DDX50: variants seen among roughly 807,000 people sequenced by gnomAD.
The protein encoded by DDX50 is DExD-box helicase 50.
A neutral mutation model predicts 94.8 loss-of-function variants in DDX50; 56 were observed. That is an observed-to-expected ratio of 0.59 (90% CI 0.48 to 0.74). The LOEUF is 0.74. Ranked by LOEUF, DDX50 falls within the 30% of genes least tolerant of loss-of-function variation. The pLI is 0.00. For synonymous variants in DDX50, 264 were observed against 295.4 expected (o/e 0.89, Z 1.09); for missense variants, 713 against 881.2 (o/e 0.81, Z 2.42).
rs1208748555 is a variant in DDX50 at position 68,937,576 on chromosome 10, C to G, written c.1755+481C>G. ...CAATATCTTCCTTCTTGCTTTATAA[C>G]TTTATAAGTTTTTTTTTTTTTTTTT... On this transcript the variant is annotated intron_variant, in intron 12 of 14. Transcript: ENST00000373585. 2.9e-5 allele frequency among the ~76,000 whole-genome samples: 4 copies of G among 139,622 alleles called. No individual in the cohort carries two copies. The East Asian group carries it at 9.0e-4, about 31-fold the overall frequency. The allele number at this position is 139,622 out of a possible 152,430, so 91.6% of individuals were successfully genotyped here. A position where few individuals can be genotyped will look rare whatever the true frequency, so the allele number is the denominator to read the frequency against.
At chr10:68,919,363 C>A (rs7903221) in intron 7 of DDX50, among the ~76,000 whole-genome samples, 5,825 of 152,174 alleles carry the variant, frequency 0.038, 379 homozygotes, top group African/African-American at 0.13. Context: ...GTAACCCAAA[C>A]CTTTATCATC....
At position 68,901,327 on chromosome 10, in the gene DDX50, T is replaced by C; in HGVS notation, c.-58T>C. On this transcript the variant is annotated 5_prime_UTR_variant, in exon 1 of 15. Transcript: ENST00000373585. ...CTTGCCCCCGCTTCCTTTCACGCTG[T>C]CGCTGCCCGTAGGTGGTTGTGGCCA... is the stretch of plus-strand genomic sequence containing the variant. 1 of 1,459,558 alleles carries C rather than the reference T, an allele frequency of 6.9e-7. No individual in the cohort carries two copies. Among genetic ancestry groups the C allele is most frequent in the Admixed American group, 2.5e-5 (1 of 40,784 alleles). 90.4% of individuals were successfully genotyped at this position (1,459,558 alleles called of 1,614,324 possible). A position where few individuals can be genotyped will look rare whatever the true frequency, so the allele number is the denominator to read the frequency against.
intron 8 of DDX50, among the ~76,000 whole-genome samples, chr10:68,932,646 A>T (rs762426884): frequency 3.9e-5 from 6 of 152,202 alleles, no homozygotes; most frequent in Non-Finnish European, 8.8e-5. Flanking sequence ...TTTGCAGCAG[A>T]GATGAAGATC....
intron 7 of DDX50, among the ~76,000 whole-genome samples, chr10:68,915,280 G>A (rs1332545060): frequency 6.6e-6 from 1 of 151,546 alleles, no homozygotes. Flanking sequence ...GGTCATGGTG[G>A]CGGGCGCCTG....
At chr10:68,919,305 T>A (rs1430675053) in intron 7 of DDX50, among the ~76,000 whole-genome samples, 1 of 152,238 alleles carries the variant, frequency 6.6e-6, no homozygotes, top group African/African-American at 2.4e-5. Flanking sequence ...TACAATGAAA[T>A]GTAAAATCTT....
chr10:68,911,049 A>T lies in DDX50; in HGVS notation c.461-19A>T, dbSNP rs1841611509. 2.1e-6 allele frequency: 3 copies of T among 1,455,738 alleles called. No individual in the cohort carries two copies. The highest frequency in any genetic ancestry group is 2.7e-6 in the Non-Finnish European group (3 of 1,096,980). 90.2% of individuals were successfully genotyped at this position (1,455,738 alleles called of 1,614,324 possible). A position where few individuals can be genotyped will look rare whatever the true frequency, so the allele number is the denominator to read the frequency against. Reference sequence around the variant, plus strand: ...ATGCTAGTCGTAAAGAAGTATTTTAATTAAATCTCATTTTACAGGTCGAGG... The same window carrying T: ...ATGCTAGTCGTAAAGAAGTATTTTATTTAAATCTCATTTTACAGGTCGAGG... On this transcript the variant is annotated intron_variant, in intron 3 of 14. Transcript: ENST00000373585.
chr10:68,925,270 ATT>A (rs78283932), intron 8 of DDX50, among the ~76,000 whole-genome samples: 1 of 145,454 alleles, frequency 6.9e-6, no homozygotes. Context: ...TGCCCAACTA[ATT>A]TTTTTTTTTT....
rs1434877282 is a variant in DDX50, at chr10:68,946,770, A to G, written c.*140A>G. 7 of 1,094,448 alleles carry G rather than the reference A, an allele frequency of 6.4e-6. No homozygotes were observed. Among genetic ancestry groups the G allele is most frequent in the Non-Finnish European group, 5.1e-6 (4 of 777,132 alleles). The allele number at this position is 1,094,448 out of a possible 1,614,324, so 67.8% of individuals were successfully genotyped here. ...AGTTGGTCGTATTTTTTTAAAAAGT[A>G]TTTCACAAGAATGGAACAAATCTAC... On this transcript the variant is annotated 3_prime_UTR_variant, in exon 15 of 15. Transcript: ENST00000373585.
At chr10:68,940,237 G>A (rs908747399) in intron 12 of DDX50, among the ~76,000 whole-genome samples, 2 of 151,876 alleles carry the variant, frequency 1.3e-5, no homozygotes, top group Non-Finnish European at 2.9e-5. Flanking sequence ...AAATTAGCAC[G>A]GCATGGTGGC....
chr10:68,931,431 A>ATATGTAT (rs369350949), intron 8 of DDX50, among the ~76,000 whole-genome samples: 1 of 119,180 alleles, frequency 8.4e-6, no homozygotes, highest in Non-Finnish European at 1.7e-5. Flanking sequence ...ATATATACAC[A>ATATGTAT]AACACACACA....
At chr10:68,913,935 G>C (rs929241406) in intron 6 of DDX50, 124 bp from the exon 7 acceptor site, 2 of 941,788 alleles carry the variant, frequency 2.1e-6, no homozygotes, top group African/African-American at 1.7e-5. Context: ...TGAAGTCTGT[G>C]TGTTAAAAAT....
chr10:68,913,308 A>G, intron 5 of DDX50, 29 bp downstream of exon 5: 1 of 1,605,348 alleles, frequency 6.2e-7, no homozygotes, highest in South Asian at 1.1e-5. Flanking sequence ...TAGACGTGCA[A>G]AGGCATATTT....
intron 1 of DDX50, among the ~76,000 whole-genome samples, chr10:68,901,959 C>T (rs1841298532): frequency 6.6e-6 from 1 of 152,122 alleles, no homozygotes; most frequent in South Asian, 2.1e-4. Flanking sequence ...GGAAAAGTGT[C>T]ACTGAGACTT....
In DDX50 at chr10:68,941,145, G is replaced by A. The variant is rs1011187448; in HGVS notation, c.1841G>A (p.Ser614Asn). ...AWKELNRKLS[S>N]NAVSQITRMC... is the part of the protein sequence containing the mutation. ...AAAGAACTTAACAGAAAGCTGAGTAGTAATGCAGTGTCTCAGATTACCAGA... is the reference window on the plus strand; with the variant it reads ...AAAGAACTTAACAGAAAGCTGAGTAATAATGCAGTGTCTCAGATTACCAGA... The change falls in exon 13 of 15, where the codon AGT becomes AAT. Residue 614 changes from serine to asparagine, a missense_variant. This residue lies in a region of DDX50 where 428 missense variants were observed against 602.3 expected (regional missense o/e 0.71). Transcript: ENST00000373585. 1.4e-5 allele frequency: 22 copies of A among 1,613,290 alleles called. No individual in the cohort carries two copies. The highest frequency in any genetic ancestry group is 1.9e-5 in the Non-Finnish European group (22 of 1,179,892).
chr10:68,945,492 A>T (rs539316383), intron 14 of DDX50, among the ~76,000 whole-genome samples: 2 of 152,090 alleles, frequency 1.3e-5, no homozygotes, highest in East Asian at 3.9e-4. Flanking sequence ...TTTCTAGTAG[A>T]GTTGGAGTTT....
chr10:68,919,176 T>A (rs879125533), intron 7 of DDX50, among the ~76,000 whole-genome samples: 1 of 152,214 alleles, frequency 6.6e-6, no homozygotes, highest in African/African-American at 2.4e-5. Flanking sequence ...TCAGAACATA[T>A]CCCTGTCATG....
Position 68,937,584 on chromosome 10 carries a change from GT to G in DDX50, c.1755+508del, listed in dbSNP as rs11429851. ...TCCTTCTTGCTTTATAACTTTATAAGTTTTTTTTTTTTTTTTTTTGAGATTG... is the reference window on the plus strand; with the variant it reads ...TCCTTCTTGCTTTATAACTTTATAAGTTTTTTTTTTTTTTTTTTGAGATTG... On this transcript the variant is annotated intron_variant, in intron 12 of 14. Transcript: ENST00000373585. Among the ~76,000 whole-genome samples, 444 of 120,782 alleles carry G rather than the reference GT, an allele frequency of 3.7e-3. 3 individuals carry two copies. The highest frequency in any genetic ancestry group is 0.012 in the African/African-American group (380 of 31,476). The allele number at this position is 120,782 out of a possible 152,430, so 79.2% of individuals were successfully genotyped here.
chr10:68,934,053 CTTTTTTTTTTTACAG>C lies in DDX50; in HGVS notation c.1240-144_1240-130del. ...GTTAAATATTTTCTGTCATGTTTGA[CTTTTTTTTTTTACAG>C]TAAGCATGCATTGTTAAAATCATCA... is the stretch of plus-strand genomic sequence containing the variant. On this transcript the variant is annotated intron_variant, in intron 8 of 14. Transcript: ENST00000373585. The surrounding 1 kb of genome is among the most constrained non-coding windows in gnomAD (Gnocchi z 4.0). 3.4e-6 allele frequency: 2 copies of C among 580,434 alleles called. No homozygotes were observed. The highest frequency in any genetic ancestry group is 5.1e-6 in the Non-Finnish European group (2 of 390,228). The allele number at this position is 580,434 out of a possible 1,614,324, so 36.0% of individuals were successfully genotyped here.
At chr10:68,942,445 A>G (rs1253651966) in intron 13 of DDX50, among the ~76,000 whole-genome samples, 2 of 152,136 alleles carry the variant, frequency 1.3e-5, no homozygotes, top group Non-Finnish European at 2.9e-5. Flanking sequence ...TGAGACAAAT[A>G]TATACTTTCA....
Sources: gnomAD v4.1 joint callset for allele counts (sites outside exome capture counted in the v4.1 genomes callset) on GRCh38, gnomAD v4.1.1 for gene constraint, gnomAD v4.1.1 regional missense constraint, Gnocchi (gnomAD v3.1) non-coding constraint, MANE v1.5 for transcripts, NCBI Gene and HGNC (gene_info 2026-07-23, HGNC 2026-07-21) for gene names.